Variants in WDR7 observed in about 807,000 individuals in gnomAD.
The protein encoded by WDR7 is WD repeat domain 7.
In WDR7, 46 loss-of-function variants were observed where a neutral mutation model predicts 169.4. The observed-to-expected ratio is 0.27, with a 90% CI of 0.21 to 0.35. The LOEUF (loss-of-function observed/expected upper bound fraction) is 0.35, where lower values mean the gene tolerates loss of function less well. WDR7 is among the 10% of genes least tolerant of loss of function. The pLI, the probability that WDR7 is intolerant of heterozygous loss-of-function variation, is 1.00. For synonymous variants in WDR7, 612 were observed against 666.8 expected (o/e 0.92, Z 1.27); for missense variants, 1,534 against 1,859.3 (o/e 0.83, Z 3.22).
intron 16 of WDR7, among the ~76,000 whole-genome samples, chr18:56,773,205 G>T (rs1176010072): frequency 6.6e-6 from 1 of 152,016 alleles, no homozygotes; most frequent in Non-Finnish European, 1.5e-5. Flanking sequence ...ATAGAAATAG[G>T]GCCCCTTATG....
At chr18:56,896,802 A>T (rs1599138451) in intron 21 of WDR7, among the ~76,000 whole-genome samples, 1 of 151,850 alleles carries the variant, frequency 6.6e-6, no homozygotes, top group East Asian at 1.9e-4. Flanking sequence ...TGCCAAACCA[A>T]GCCACTAAGA....
In WDR7 at chr18:56,792,569, C is replaced by T. The variant is rs1320538241; in HGVS notation, c.3190+10913C>T. On this transcript the variant is annotated intron_variant, in intron 19 of 27. Coordinates refer to ENST00000254442, the MANE Select transcript of WDR7 (RefSeq NM_015285.3). ...TGAAATCTTAACCAGAGTTCCAATA[C>T]GTAAAACCAATAAAAAGTATTTCTT... Among the ~76,000 whole-genome samples the T allele has an allele frequency of 3.3e-5, 5 of 150,310 alleles. No homozygotes were observed. The East Asian group carries it at 5.8e-4, about 18-fold the overall frequency.
rs765699007 is a variant in WDR7 at position 56,776,806 on chromosome 18, G to A, written c.2873G>A (p.Arg958Gln). The change falls in exon 17 of 28, where the codon CGG becomes CAG. Residue 958 changes from arginine (R) to glutamine (Q), a missense_variant. By Grantham distance (43) the Arg-to-Gln change is conservative. Transcript: ENST00000254442. ...GTTGCTGCACCTGTCGTTTCCGCTC[G>A]GTCTGATGCTGATCACTCTGGCTCT... is the stretch of plus-strand genomic sequence containing the variant. ...KQVAAPVVSARSDADHSGSDP... is the reference protein window; with the variant it reads ...KQVAAPVVSAQSDADHSGSDP... The A allele has an allele frequency of 1.6e-5, 26 of 1,613,516 alleles. No homozygotes were observed. The highest frequency in any genetic ancestry group is 2.2e-5 in the South Asian group (2 of 91,044).
chr18:56,753,828 G>A (rs749136335), intron 14 of WDR7, among the ~76,000 whole-genome samples: 9 of 152,072 alleles, frequency 5.9e-5, no homozygotes, highest in African/African-American at 1.7e-4. Context: ...GTTAAAGCTC[G>A]GAAGGTATTT....
intron 26 of WDR7, among the ~76,000 whole-genome samples, chr18:56,964,569 G>A (rs2047381058): frequency 6.6e-6 from 1 of 152,010 alleles, no homozygotes. Context: ...TGTATTTTTA[G>A]TAGAGATGGG....
intron 14 of WDR7, among the ~76,000 whole-genome samples, chr18:56,750,618 A>G (rs1008263007): frequency 6.6e-6 from 1 of 152,188 alleles, no homozygotes; most frequent in African/African-American, 2.4e-5. Flanking sequence ...GAAACATACT[A>G]AGCTTCCTGC....
chr18:56,822,133 C>A (rs907872568), intron 20 of WDR7, among the ~76,000 whole-genome samples: 1 of 152,104 alleles, frequency 6.6e-6, no homozygotes, highest in Non-Finnish European at 1.5e-5. Flanking sequence ...TAAATTTAGA[C>A]CAAGAGATTA....
At chr18:56,909,692 A>G (rs2046527570) in intron 21 of WDR7, among the ~76,000 whole-genome samples, 1 of 152,138 alleles carries the variant, frequency 6.6e-6, no homozygotes. Context: ...AGAAAAATAT[A>G]TTAATATTTC....
At chr18:56,696,621 C>A in intron 12 of WDR7, 159 bp downstream of exon 12, 2 of 648,114 alleles carry the variant, frequency 3.1e-6, no homozygotes, top group Non-Finnish European at 5.0e-6. Context: ...AACATTTAGG[C>A]AAAGTTACGG....
chr18:56,864,704 A>G (rs2045856933), intron 20 of WDR7, among the ~76,000 whole-genome samples: 1 of 151,882 alleles, frequency 6.6e-6, no homozygotes, highest in Admixed American at 6.6e-5. Flanking sequence ...GGTCCATTAT[A>G]GTAGATATTC....
chr18:56,994,431 T>C (rs1175214159), intron 26 of WDR7, among the ~76,000 whole-genome samples: 1 of 152,210 alleles, frequency 6.6e-6, no homozygotes, highest in Non-Finnish European at 1.5e-5. Context: ...GTTATGCTTG[T>C]AGCATTTCTG....
chr18:56,932,550 C>A (rs1434255925), intron 22 of WDR7, among the ~76,000 whole-genome samples: 1 of 152,182 alleles, frequency 6.6e-6, no homozygotes, highest in Non-Finnish European at 1.5e-5. Flanking sequence ...GGTAGTTTAT[C>A]TCATTTTCCC....
chr18:56,948,091 G>A (rs1352331996), intron 25 of WDR7, among the ~76,000 whole-genome samples: 1 of 151,994 alleles, frequency 6.6e-6, no homozygotes, highest in Admixed American at 6.6e-5. Flanking sequence ...TTTCTTCAGA[G>A]CAAAAATTAG....
chr18:56,812,323 T>C (rs1408244796), intron 19 of WDR7, among the ~76,000 whole-genome samples: 2 of 152,242 alleles, frequency 1.3e-5, no homozygotes, highest in African/African-American at 2.4e-5. Context: ...TTTTTTCTTA[T>C]ATTTTGCAGC....
At chr18:56,832,141 T>C (rs1202643993) in intron 20 of WDR7, among the ~76,000 whole-genome samples, 1 of 152,084 alleles carries the variant, frequency 6.6e-6, no homozygotes, top group Non-Finnish European at 1.5e-5. Context: ...CTGGAATGCT[T>C]GAGCTTGGTG....
At chr18:56,841,046 A>T (rs1331503751) in intron 20 of WDR7, among the ~76,000 whole-genome samples, 1 of 151,852 alleles carries the variant, frequency 6.6e-6, no homozygotes, top group African/African-American at 2.4e-5. Flanking sequence ...CAAAAAAATT[A>T]GCTAGGCTTG....
chr18:57,016,789 C>G (rs972685567), intron 26 of WDR7, among the ~76,000 whole-genome samples: 1 of 151,890 alleles, frequency 6.6e-6, no homozygotes, highest in African/African-American at 2.4e-5. Flanking sequence ...GGGTGTTTAA[C>G]AGTTCAACAC....
chr18:56,951,256 T>C (rs1230833176), intron 25 of WDR7, among the ~76,000 whole-genome samples: 1 of 152,224 alleles, frequency 6.6e-6, no homozygotes, highest in Non-Finnish European at 1.5e-5. Flanking sequence ...AGGGAACTTC[T>C]CTGATAATTT....
At chr18:56,785,761 C>T (rs1366021854) in intron 19 of WDR7, among the ~76,000 whole-genome samples, 2 of 151,716 alleles carry the variant, frequency 1.3e-5, no homozygotes, top group African/African-American at 2.4e-5. Flanking sequence ...AAGCCGTTTG[C>T]AGGTTAGTTT....
Sources: allele counts gnomAD v4.1 joint callset (sites outside exome capture counted in the v4.1 genomes callset), GRCh38; gene constraint gnomAD v4.1.1; transcripts MANE v1.5; gene names NCBI Gene and HGNC (gene_info 2026-07-23, HGNC 2026-07-21).